Variants in PNPLA2 observed in about 807,000 individuals in gnomAD.
PNPLA2 encodes the protein patatin like domain 2, triacylglycerol lipase, also known as patatin-like phospholipase domain-containing protein 2.
A neutral mutation model predicts 39.7 loss-of-function variants in PNPLA2; 28 were observed. The ratio of observed to expected loss-of-function variants is 0.70; its 90% confidence interval spans 0.52 to 0.97. PNPLA2 has a LOEUF of 0.97. Among genes scored for constraint, PNPLA2 ranks in the 50% least tolerant of loss-of-function variants. The pLI is 0.00. For synonymous variants in PNPLA2, 392 were observed against 321.1 expected (o/e 1.22, Z -2.36); for missense variants, 768 against 698.2 (o/e 1.10, Z -1.13).
chr11:822,820 C>T (rs866561065), intron 5 of PNPLA2, among the ~76,000 whole-genome samples: 18 of 131,478 alleles, frequency 1.4e-4, no homozygotes, highest in African/African-American at 4.7e-4. Context: ...GTCTCTCTCT[C>T]TTTTTTTTTT....
Position 821,677 on chromosome 11 carries a change from G to A in PNPLA2, c.237G>A (p.Arg79=). 1.2e-6 allele frequency: 2 copies of A among 1,613,942 alleles called. No homozygotes were observed. The highest frequency in any genetic ancestry group is 1.7e-6 in the Non-Finnish European group (2 of 1,180,024). The part of the protein sequence containing the change: ...FIEVSKEARK[R]FLGPLHPSFN... ...AGGTATCTAAAGAGGCCCGGAAGCG[G>A]TTCCTGGGCCCCCTGCACCCCTCCT... Residue 79 remains arginine (R), a synonymous_variant, in exon 3 of 10, where the codon CGG becomes CGA. Coordinates refer to ENST00000336615, the MANE Select transcript of PNPLA2 (RefSeq NM_020376.4).
At position 822,480 on chromosome 11, in the gene PNPLA2, G is replaced by T; in HGVS notation, c.570G>T (p.Glu190Asp). ...NTITVSPFSG[E>D]SDICPQDSST... is the part of the protein sequence containing the mutation. ...TCACAGTGTCCCCCTTCTCGGGCGAGAGTGACATCTGTCCGCAGGACAGCT... is the reference window on the plus strand; with the variant it reads ...TCACAGTGTCCCCCTTCTCGGGCGATAGTGACATCTGTCCGCAGGACAGCT... Residue 190 changes from glutamate (E) to aspartate (D), a missense_variant, in exon 5 of 10, where the codon GAG becomes GAT. By Grantham distance (45) the Glu-to-Asp change is conservative. Transcript: ENST00000336615. The T allele has an allele frequency of 6.2e-7, 1 of 1,614,134 alleles. No homozygotes were observed. The highest frequency in any genetic ancestry group is 8.5e-7 in the Non-Finnish European group (1 of 1,180,014).
chr11:819,754 CGCGGGCT>C lies in PNPLA2; in HGVS notation c.41_47del (p.Gly14AlafsTer76). The stretch of plus-strand genomic sequence containing the variant: ...GCGAGAAGACGTGGAACATCTCGTT[CGCGGGCT>C]GCGGCTTCCTCGGCGTCTACTACGT... On this transcript the variant is annotated frameshift_variant, in exon 2 of 10. Coordinates refer to ENST00000336615, the MANE Select transcript of PNPLA2 (RefSeq NM_020376.4). LOFTEE classifies it high-confidence loss of function. 6.6e-7 allele frequency: 1 copy of C among 1,510,018 alleles called. No individual in the cohort carries two copies. Among genetic ancestry groups the C allele is most frequent in the Non-Finnish European group, 8.9e-7 (1 of 1,129,708 alleles). 93.5% of individuals were successfully genotyped at this position (1,510,018 alleles called of 1,614,324 possible).
chr11:819,843 A>T lies in PNPLA2; in HGVS notation c.125A>T (p.His42Leu). The change falls in exon 2 of 10, where the codon CAC becomes CTC. Residue 42 changes from histidine (H) to leucine (L), a missense_variant. By Grantham distance (99) the His-to-Leu change is moderately conservative. Transcript: ENST00000336615. ...CCCTTCCTGGTGGCCAACGCCACGC[A>T]CATCTACGGCGCCTCGGCCGGGGCG... ...HAPFLVANAT[H>L]IYGASAGALT... is the part of the protein sequence containing the mutation. 1.4e-6 allele frequency: 2 copies of T among 1,476,596 alleles called. No individual in the cohort carries two copies. The highest frequency in any genetic ancestry group is 1.8e-6 in the Non-Finnish European group (2 of 1,113,468). 91.5% of individuals were successfully genotyped at this position (1,476,596 alleles called of 1,614,324 possible).
chr11:822,379 C>A lies in PNPLA2; in HGVS notation c.487-18C>A, dbSNP rs768392632. 1.2e-6 allele frequency: 2 copies of A among 1,609,132 alleles called. No individual in the cohort carries two copies. The highest frequency in any genetic ancestry group is 1.1e-5 in the South Asian group (1 of 90,980). On this transcript the variant is annotated intron_variant, in intron 4 of 9. Coordinates refer to ENST00000336615, the MANE Select transcript of PNPLA2 (RefSeq NM_020376.4). ...CACAGGCCCTCACATACGGTCCTGT[C>A]TGTGTGTCCCGTGGAAGCGCTACGT...
At position 824,039 on chromosome 11, in the gene PNPLA2, A is replaced by G. The variant is rs748517694; in HGVS notation, c.961A>G (p.Thr321Ala). ...ACVEPTDLLT[T>A]LSNMLPVRLA... ...CGTGGAGCCCACGGACCTGCTGACC[A>G]CCCTCTCCAACATGCTGCCTGTGCG... The change falls in exon 8 of 10, where the codon ACC (threonine) becomes GCC (alanine). Residue 321 changes from threonine to alanine, a missense_variant. Transcript: ENST00000336615. 6.2e-7 allele frequency: 1 copy of G among 1,609,922 alleles called. No individual in the cohort carries two copies. Among genetic ancestry groups the G allele is most frequent in the Non-Finnish European group, 8.5e-7 (1 of 1,179,278 alleles).
rs148314086 is a variant in PNPLA2, at chr11:823,859, C to T, written c.919+4C>T. On this transcript the variant is annotated splice_donor_region_variant and intron_variant, in intron 7 of 9. Transcript: ENST00000336615. ...CTGCCCGCCCGGCTCAATGAGGGTGCGCACCTGGGGGACGGGAGGGGAGGA... is the reference window on the plus strand; with the variant it reads ...CTGCCCGCCCGGCTCAATGAGGGTGTGCACCTGGGGGACGGGAGGGGAGGA... 5.3e-3 allele frequency: 8,450 copies of T among 1,580,874 alleles called. 36 individuals are homozygous for T. Among genetic ancestry groups the T allele is most frequent in the Non-Finnish European group, 5.7e-3 (6,668 of 1,164,828 alleles).
Position 824,598 on chromosome 11 carries a change from G to A in PNPLA2, c.1251G>A (p.Glu417=). 6.3e-7 allele frequency: 1 copy of A among 1,588,976 alleles called. No homozygotes were observed. Among genetic ancestry groups the A allele is most frequent in the Non-Finnish European group, 8.5e-7 (1 of 1,172,686 alleles). ...CGCTGTCCTGCGCCGCCTACAGAGA[G>A]GCACTGCCCGGCTGGATGCGCAACA... ...SVPLSCAAYR[E]ALPGWMRNNL... The change falls in exon 10 of 10, where the codon GAG becomes GAA. Residue 417 remains glutamate (E), a synonymous_variant. Coordinates refer to ENST00000336615, the MANE Select transcript of PNPLA2 (RefSeq NM_020376.4).
In PNPLA2 at chr11:819,709, C is replaced by T; in HGVS notation, c.-10C>T. ...CCCACGGAACCCGGGGCCCGGCGGC[C>T]GCCGCCGCGATGTTTCCCCGCGAGA... On this transcript the variant is annotated 5_prime_UTR_variant, in exon 2 of 10. Coordinates refer to ENST00000336615, the MANE Select transcript of PNPLA2 (RefSeq NM_020376.4). 1 of 1,480,136 alleles carries T rather than the reference C, an allele frequency of 6.8e-7. No individual in the cohort carries two copies. The highest frequency in any genetic ancestry group is 9.0e-7 in the Non-Finnish European group (1 of 1,115,932). The allele number at this position is 1,480,136 out of a possible 1,614,324, so 91.7% of individuals were successfully genotyped here. A position where few individuals can be genotyped will look rare whatever the true frequency, so the allele number is the denominator to read the frequency against.
Position 819,694 on chromosome 11 carries a change from C to A in PNPLA2, c.-25C>A. 1.4e-6 allele frequency: 2 copies of A among 1,475,300 alleles called. No homozygotes were observed. Among genetic ancestry groups the A allele is most frequent in the East Asian group, 6.0e-5 (2 of 33,362 alleles). The allele number at this position is 1,475,300 out of a possible 1,614,324, so 91.4% of individuals were successfully genotyped here. A position where few individuals can be genotyped will look rare whatever the true frequency, so the allele number is the denominator to read the frequency against. On this transcript the variant is annotated 5_prime_UTR_variant, in exon 2 of 10. Coordinates refer to ENST00000336615, the MANE Select transcript of PNPLA2 (RefSeq NM_020376.4). ...ACAGAGGCCTGGCCGCCCACGGAAC[C>A]CGGGGCCCGGCGGCCGCCGCCGCGA...
chr11:824,907 C>T lies in PNPLA2; in HGVS notation c.*45C>T. 1 of 1,432,434 alleles carries T rather than the reference C, an allele frequency of 7.0e-7. No homozygotes were observed. Among genetic ancestry groups the T allele is most frequent in the Non-Finnish European group, 9.5e-7 (1 of 1,052,670 alleles). The allele number at this position is 1,432,434 out of a possible 1,614,324, so 88.7% of individuals were successfully genotyped here. ...AACCCTGCCTGAGACGCCTCCATTA[C>T]CACTGCGCAGTGAGATGAGGGGACT... On this transcript the variant is annotated 3_prime_UTR_variant, in exon 10 of 10. Coordinates refer to ENST00000336615, the MANE Select transcript of PNPLA2 (RefSeq NM_020376.4).
intron 4 of PNPLA2, 95 bp from the exon 5 acceptor site, chr11:822,302 A>AT (rs2133847813): frequency 8.8e-7 from 1 of 1,140,514 alleles, no homozygotes; most frequent in East Asian, 2.4e-5. Context: ...TAGCCACTGA[A>AT]TGGGGCCCTT....
In PNPLA2 at chr11:823,989, C is replaced by A; in HGVS notation, c.920-9C>A. ...CTCCACTGGCCGCCGACCTCCCGCC[C>A]ACCCGCAGCCCTGCTGGAGGCCTGC... On this transcript the variant is annotated splice_polypyrimidine_tract_variant and intron_variant, in intron 7 of 9. Coordinates refer to ENST00000336615, the MANE Select transcript of PNPLA2 (RefSeq NM_020376.4). The A allele has an allele frequency of 6.2e-7, 1 of 1,600,388 alleles. No individual in the cohort carries two copies. Among genetic ancestry groups the A allele is most frequent in the Non-Finnish European group, 8.5e-7 (1 of 1,175,442 alleles).
In PNPLA2 at chr11:823,688, C is replaced by A. The variant is rs866097131; in HGVS notation, c.758-6C>A. On this transcript the variant is annotated splice_polypyrimidine_tract_variant and splice_region_variant and intron_variant, in intron 6 of 9. Coordinates refer to ENST00000336615, the MANE Select transcript of PNPLA2 (RefSeq NM_020376.4). ...AACTGAGAATCCCTTCTCTCCCCAA[C>A]CCCAGGCCTCCTGAACCGGCCCAAC... The A allele has an allele frequency of 1.2e-6, 2 of 1,605,754 alleles. No homozygotes were observed. The highest frequency in any genetic ancestry group is 8.5e-7 in the Non-Finnish European group (1 of 1,176,714).
In PNPLA2 at chr11:819,587, G is replaced by C; in HGVS notation, c.-132G>C. On this transcript the variant is annotated 5_prime_UTR_variant, in exon 2 of 10. Coordinates refer to ENST00000336615, the MANE Select transcript of PNPLA2 (RefSeq NM_020376.4). ...CCGCCCGCGTAGCTTCTTCGCCTCC[G>C]CCAGCGGGGACCCCGAGCTAGAGCC... 1 of 1,277,568 alleles carries C rather than the reference G, an allele frequency of 7.8e-7. No individual in the cohort carries two copies. The allele number at this position is 1,277,568 out of a possible 1,614,324, so 79.1% of individuals were successfully genotyped here.
At chr11:822,203 C>G in intron 4 of PNPLA2, 180 bp downstream of exon 4, 1 of 761,374 alleles carries the variant, frequency 1.3e-6, no homozygotes, top group East Asian at 2.6e-5. Context: ...CCATCCCTTC[C>G]TCCGTCCCTG....
chr11:824,618 GCAACAAC>G lies in PNPLA2; in HGVS notation c.1273_1279del (p.Asn425SerfsTer62), dbSNP rs1452583420. ...AGAGAGGCACTGCCCGGCTGGATGC[GCAACAAC>G]CTCTCGCTGGGGGACGCGCTGGCCA... is the stretch of plus-strand genomic sequence containing the variant. On this transcript the variant is annotated frameshift_variant, in exon 10 of 10. Transcript: ENST00000336615. LOFTEE classifies it low-confidence loss of function (END_TRUNC). 1 of 1,593,988 alleles carries G rather than the reference GCAACAAC, an allele frequency of 6.3e-7. No homozygotes were observed.
At chr11:824,176 TG>T in intron 8 of PNPLA2, 46 bp downstream of exon 8, 1 of 1,568,904 alleles carries the variant, frequency 6.4e-7, no homozygotes, top group Non-Finnish European at 8.6e-7. Context: ...GGACGGACTT[TG>T]GGATCATCCG....
chr11:821,901 G>A (rs1409072331), intron 3 of PNPLA2, 41 bp downstream of exon 3: 19 of 1,608,666 alleles, frequency 1.2e-5, no homozygotes, highest in Admixed American at 1.7e-5. Context: ...GGTGGGGGGG[G>A]CAGTGGGAAC....
Sources: allele counts gnomAD v4.1 joint callset (sites outside exome capture counted in the v4.1 genomes callset), GRCh38; gene constraint gnomAD v4.1.1; transcripts MANE v1.5; gene names NCBI Gene and HGNC (gene_info 2026-07-23, HGNC 2026-07-21).